Variants in LRP1B observed in about 807,000 individuals in gnomAD.
The protein encoded by LRP1B is LDL receptor related protein 1B, also known as low-density lipoprotein receptor-related protein 1B.
LRP1B carries 217 observed loss-of-function variants against 556.6 expected under a neutral mutation model. The observed-to-expected ratio is 0.39, with a 90% confidence interval of 0.35 to 0.44. The LOEUF (loss-of-function observed/expected upper bound fraction) is 0.44, where lower values mean the gene tolerates loss of function less well. LRP1B is among the 20% of genes least tolerant of loss of function. LRP1B has a pLI of 1.00. For missense variants in LRP1B, 5,053 were observed against 5,620.8 expected (o/e 0.90, Z 3.23); for synonymous variants, 2,047 against 1,865.8 (o/e 1.10, Z -2.50).
chr2:140,400,288 C>T (rs200819354), intron 66 of LRP1B, among the ~76,000 whole-genome samples: 8 of 152,256 alleles, frequency 5.3e-5, no homozygotes, highest in African/African-American at 1.4e-4. Flanking sequence ...CCTAAACCAA[C>T]GACTGACAGT....
intron 7 of LRP1B, among the ~76,000 whole-genome samples, chr2:141,187,978 A>T (rs935633102): frequency 1.3e-5 from 2 of 152,068 alleles, no homozygotes; most frequent in Admixed American, 1.3e-4. Flanking sequence ...TATCTGGGTA[A>T]ACATATGTTG....
chr2:140,526,812 C>T (rs1187716247), intron 47 of LRP1B, among the ~76,000 whole-genome samples: 1 of 151,590 alleles, frequency 6.6e-6, no homozygotes, highest in African/African-American at 2.4e-5. Context: ...AAATCCCAAC[C>T]TGGTTGCCAA....
chr2:140,487,591 A>G, intron 58 of LRP1B, 26 bp downstream of exon 58: 1 of 1,580,960 alleles, frequency 6.3e-7, no homozygotes, highest in Non-Finnish European at 8.7e-7. Context: ...ATATTCAACA[A>G]TCCCATCATT....
At chr2:140,390,894 T>G (rs1487878379) in intron 66 of LRP1B, among the ~76,000 whole-genome samples, 1 of 151,788 alleles carries the variant, frequency 6.6e-6, no homozygotes, top group Non-Finnish European at 1.5e-5. Context: ...ACACTACATA[T>G]CTACTGGAAT....
At chr2:141,755,876 G>C (rs1694301753) in intron 2 of LRP1B, among the ~76,000 whole-genome samples, 1 of 151,868 alleles carries the variant, frequency 6.6e-6, no homozygotes, top group Non-Finnish European at 1.5e-5. Flanking sequence ...TTAACAATCT[G>C]GGAAATCACA....
chr2:140,602,814 G>A (rs1682725150), intron 41 of LRP1B, among the ~76,000 whole-genome samples: 2 of 151,222 alleles, frequency 1.3e-5, no homozygotes, highest in South Asian at 4.2e-4. Flanking sequence ...CATTTTAGTT[G>A]CCACATGCTA....
chr2:141,948,969 C>G (rs559544928), intron 1 of LRP1B, among the ~76,000 whole-genome samples: 2 of 152,154 alleles, frequency 1.3e-5, no homozygotes, highest in African/African-American at 4.8e-5. Context: ...CGCAAATATA[C>G]ACAGACATTT....
chr2:140,775,595 G>T (rs545738351), intron 33 of LRP1B, among the ~76,000 whole-genome samples: 2 of 150,280 alleles, frequency 1.3e-5, no homozygotes, highest in Admixed American at 1.3e-4. Flanking sequence ...TTTGCCATTT[G>T]GGTAGTGTGA....
At chr2:141,553,216 A>G (rs963965875) in intron 2 of LRP1B, among the ~76,000 whole-genome samples, 1 of 151,898 alleles carries the variant, frequency 6.6e-6, no homozygotes, top group Non-Finnish European at 1.5e-5. Context: ...GATAAGGAAG[A>G]GGGCGTTTTC....
At chr2:140,458,231 G>A (rs183732169) in intron 60 of LRP1B, among the ~76,000 whole-genome samples, 1 of 152,154 alleles carries the variant, frequency 6.6e-6, no homozygotes, top group East Asian at 1.9e-4. Flanking sequence ...AGATGGGATG[G>A]GGTAGAGGGA....
At chr2:140,454,189 G>T (rs1422238294) in intron 62 of LRP1B, among the ~76,000 whole-genome samples, 1 of 151,838 alleles carries the variant, frequency 6.6e-6, no homozygotes, top group Non-Finnish European at 1.5e-5. Context: ...TCACTCTGTT[G>T]CCTAGGCTGG....
At chr2:140,693,540 C>T (rs780267076) in intron 41 of LRP1B, among the ~76,000 whole-genome samples, 33 of 152,082 alleles carry the variant, frequency 2.2e-4, no homozygotes, top group Non-Finnish European at 3.8e-4. Context: ...TTTTCCATGG[C>T]TATGGAAATT....
intron 2 of LRP1B, among the ~76,000 whole-genome samples, chr2:141,682,993 G>A (rs1691158698): frequency 6.6e-6 from 1 of 152,110 alleles, no homozygotes; most frequent in Non-Finnish European, 1.5e-5. Flanking sequence ...TTTGCATCCT[G>A]CATGTGTGAT....
At chr2:142,107,441 G>T (rs1706785140) in intron 1 of LRP1B, among the ~76,000 whole-genome samples, 1 of 151,942 alleles carries the variant, frequency 6.6e-6, no homozygotes. Flanking sequence ...TTCTGCTATG[G>T]GCTGACGCAG....
At chr2:141,617,820 T>C (rs750727291) in intron 2 of LRP1B, among the ~76,000 whole-genome samples, 6 of 152,220 alleles carry the variant, frequency 3.9e-5, no homozygotes, top group Non-Finnish European at 8.8e-5. Context: ...TAGAGAGTGG[T>C]ATAAAAACTC....
intron 7 of LRP1B, among the ~76,000 whole-genome samples, chr2:141,141,477 G>C (rs1430460043): frequency 1.3e-5 from 2 of 152,074 alleles, no homozygotes; most frequent in African/African-American, 4.8e-5. Flanking sequence ...TTATTCATTT[G>C]AACTTTAGAT....
At chr2:141,788,242 A>G (rs1383887548) in intron 2 of LRP1B, among the ~76,000 whole-genome samples, 1 of 152,010 alleles carries the variant, frequency 6.6e-6, no homozygotes, top group East Asian at 1.9e-4. Context: ...AAATCATTTT[A>G]TGAAAACCTT....
At chr2:141,996,498 T>A (rs891001425) in intron 1 of LRP1B, among the ~76,000 whole-genome samples, 1 of 152,086 alleles carries the variant, frequency 6.6e-6, no homozygotes, top group Non-Finnish European at 1.5e-5. Context: ...GGAAAACCAA[T>A]AGGGACATAA....
At chr2:141,186,686 A>G (rs72981919) in intron 7 of LRP1B, among the ~76,000 whole-genome samples, 4,224 of 152,182 alleles carry the variant, frequency 0.028, 191 homozygotes, top group African/African-American at 0.096. Context: ...GGAATCCAGC[A>G]GAGAATAAGA....
Sources: allele counts gnomAD v4.1 joint callset (sites outside exome capture counted in the v4.1 genomes callset), GRCh38; gene constraint gnomAD v4.1.1; transcripts MANE v1.5; gene names NCBI Gene and HGNC (gene_info 2026-07-23, HGNC 2026-07-21).